The following CELA2A variants were observed in gnomAD, a reference collection of about 807,000 sequenced individuals.
The protein encoded by CELA2A is chymotrypsin-like elastase family member 2A.
CELA2A carries 31 observed loss-of-function variants against 35.3 expected under a neutral mutation model. The ratio of observed to expected loss-of-function variants is 0.88; its 90% confidence interval spans 0.66 to 1.19. The LOEUF is 1.19. Among genes scored for constraint, CELA2A ranks in the 50% most tolerant of loss-of-function variants. The probability of loss-of-function intolerance (pLI) is 0.00; values close to 1 mark genes in which losing one functional copy is unlikely to be tolerated. For synonymous variants in CELA2A, 150 were observed against 149.8 expected (o/e 1.00, Z -0.01); for missense variants, 330 against 352.9 (o/e 0.94, Z 0.52).
chr1:15,461,331 G>A (rs1708430804), intron 2 of CELA2A, among the ~76,000 whole-genome samples: 1 of 152,164 alleles, frequency 6.6e-6, no homozygotes, highest in African/African-American at 2.4e-5. Flanking sequence ...CGAAGTGTTG[G>A]GATTACAAGC....
At chr1:15,467,771 G>C (rs1708541152) in intron 7 of CELA2A, among the ~76,000 whole-genome samples, 2 of 152,158 alleles carry the variant, frequency 1.3e-5, no homozygotes, top group Admixed American at 1.3e-4. Context: ...TGTCCAAAGA[G>C]GTTGGACACT....
intron 5 of CELA2A, among the ~76,000 whole-genome samples, chr1:15,464,442 T>A (rs1430404702): frequency 6.6e-6 from 1 of 152,042 alleles, no homozygotes; most frequent in Non-Finnish European, 1.5e-5. Flanking sequence ...CCTTGTGAAA[T>A]CACCAGAGGT....
chr1:15,464,904 A>G (rs1708495152), intron 5 of CELA2A, among the ~76,000 whole-genome samples: 1 of 152,128 alleles, frequency 6.6e-6, no homozygotes, highest in African/African-American at 2.4e-5. Context: ...GGTGAAGACT[A>G]AAAGAGGTGA....
intron 7 of CELA2A, among the ~76,000 whole-genome samples, chr1:15,470,013 G>A (rs373515977): frequency 3.2e-4 from 49 of 152,304 alleles, no homozygotes; most frequent in African/African-American, 7.0e-4. Flanking sequence ...GCCAGATCCC[G>A]AAGCATGGCC....
At chr1:15,463,640 G>C (rs571141884) in intron 5 of CELA2A, 118 bp downstream of exon 5, 63 of 1,508,786 alleles carry the variant, frequency 4.2e-5, no homozygotes, top group South Asian at 1.0e-4. Context: ...TTGGAGAGAC[G>C]GGATGGCATA....
intron 7 of CELA2A, among the ~76,000 whole-genome samples, chr1:15,467,941 A>T (rs1420014714): frequency 1.3e-5 from 2 of 151,936 alleles, no homozygotes; most frequent in East Asian, 3.9e-4. Context: ...ATCCAAAAAA[A>T]ATTAGCCAGG....
At chr1:15,457,275 T>C in intron 2 of CELA2A, 101 bp downstream of exon 2, 3 of 1,161,628 alleles carry the variant, frequency 2.6e-6, no homozygotes, top group Non-Finnish European at 2.5e-6. Context: ...GCAAAGTGAG[T>C]ATTGATGGGA....
chr1:15,466,421 G>C (rs1262127152), intron 6 of CELA2A, among the ~76,000 whole-genome samples: 1 of 152,034 alleles, frequency 6.6e-6, no homozygotes, highest in Non-Finnish European at 1.5e-5. Flanking sequence ...AATTAGCCGG[G>C]CATGGTGGCA....
intron 5 of CELA2A, 92 bp downstream of exon 5, chr1:15,463,614 A>T (rs549508539): frequency 1.3e-5 from 20 of 1,586,824 alleles, no homozygotes; most frequent in South Asian, 8.1e-5. Context: ...CTGTCATCCC[A>T]GGGTGTGTGG....
chr1:15,465,100 C>G (rs1047904754), intron 5 of CELA2A, among the ~76,000 whole-genome samples: 1 of 147,186 alleles, frequency 6.8e-6, no homozygotes, highest in East Asian at 2.0e-4. Context: ...CAACCTCTGC[C>G]TCCCGAGCTC....
chr1:15,472,057 A>G lies in CELA2A; in HGVS notation c.*50A>G. On this transcript the variant is annotated 3_prime_UTR_variant, in exon 8 of 8. Coordinates refer to ENST00000359621, the MANE Select transcript of CELA2A (RefSeq NM_033440.3). ...TCAGACTTGGAAAGGTCACAGAAGG[A>G]AAATAATATAATAAAGTGACAACTA... 6.2e-7 allele frequency: 1 copy of G among 1,607,274 alleles called. No individual in the cohort carries two copies. The highest frequency in any genetic ancestry group is 2.2e-5 in the East Asian group (1 of 44,850).
intron 4 of CELA2A, among the ~76,000 whole-genome samples, 182 bp from the exon 5 acceptor site, chr1:15,463,204 C>T (rs1708463837): frequency 6.6e-6 from 1 of 152,178 alleles, no homozygotes; most frequent in Admixed American, 6.5e-5. Context: ...GACACAATCT[C>T]TCCTGCCTTC....
rs1708469308 is a variant in CELA2A, at chr1:15,463,507, T to G, written c.478T>G (p.Trp160Gly). The change falls in exon 5 of 8, where the codon TGG (tryptophan) becomes GGG (glycine). Residue 160 changes from tryptophan to glycine, a missense_variant. Trp to Gly is a radical substitution (Grantham distance 184). Transcript: ENST00000359621. ...PNNYPCYVTG[W>G]GRLQTNGAVP... ...CAACTACCCCTGCTACGTCACGGGC[T>G]GGGGAAGGCTGCAGAGTAAGTGGGA... The G allele has an allele frequency of 6.2e-7, 1 of 1,613,632 alleles. No homozygotes were observed. Among genetic ancestry groups the G allele is most frequent in the Non-Finnish European group, 8.5e-7 (1 of 1,179,736 alleles).
At position 15,466,060 on chromosome 1, in the gene CELA2A, C is replaced by T; in HGVS notation, c.555C>T (p.Thr185=). ...QGRLLVVDYA[T]CSSSAWWGSS... ...GGTTGCTGGTTGTGGACTATGCCACCTGCTCCAGCTCTGCCTGGTGGGGCA... is the reference window on the plus strand; with the variant it reads ...GGTTGCTGGTTGTGGACTATGCCACTTGCTCCAGCTCTGCCTGGTGGGGCA... The change falls in exon 6 of 8, where the codon ACC becomes ACT. Residue 185 remains threonine, a synonymous_variant. Coordinates refer to ENST00000359621, the MANE Select transcript of CELA2A (RefSeq NM_033440.3). 6.2e-7 allele frequency: 1 copy of T among 1,614,136 alleles called. No individual in the cohort carries two copies.
chr1:15,463,959 C>T (rs1051843853), intron 5 of CELA2A, among the ~76,000 whole-genome samples: 6 of 151,424 alleles, frequency 4.0e-5, no homozygotes, highest in Non-Finnish European at 5.9e-5. Context: ...GGCTGAGGCA[C>T]GAGAATCACT....
At chr1:15,458,033 T>A (rs1326876201) in intron 2 of CELA2A, among the ~76,000 whole-genome samples, 1 of 152,148 alleles carries the variant, frequency 6.6e-6, no homozygotes, top group Non-Finnish European at 1.5e-5. Flanking sequence ...CATAAACAAA[T>A]ATAGTGAAAT....
chr1:15,459,985 A>C (rs1337530203), intron 2 of CELA2A, among the ~76,000 whole-genome samples: 1 of 151,754 alleles, frequency 6.6e-6, no homozygotes, highest in Non-Finnish European at 1.5e-5. Flanking sequence ...AAAAAACCTC[A>C]CTAACGAAGA....
At chr1:15,456,955 A>G in intron 1 of CELA2A, 131 bp from the exon 2 acceptor site, 1 of 1,278,456 alleles carries the variant, frequency 7.8e-7, no homozygotes, top group Admixed American at 2.1e-5. Flanking sequence ...AGCAAAGAGC[A>G]GGATTCTATG....
chr1:15,466,765 C>T (rs575874967), intron 6 of CELA2A, among the ~76,000 whole-genome samples: 2 of 152,154 alleles, frequency 1.3e-5, no homozygotes, highest in Admixed American at 6.5e-5. Context: ...GGCCTTTCTA[C>T]GATGACTTCT....
Sources: allele counts gnomAD v4.1 joint callset (sites outside exome capture counted in the v4.1 genomes callset), GRCh38; gene constraint gnomAD v4.1.1; transcripts MANE v1.5; gene names NCBI Gene and HGNC (gene_info 2026-07-23, HGNC 2026-07-21).